The following CFAP61 variants were observed in gnomAD, a reference collection of about 807,000 sequenced individuals.
CFAP61 encodes cilia and flagella associated protein 61.
A neutral mutation model predicts 135.6 loss-of-function variants in CFAP61; 107 were observed. The ratio of observed to expected loss-of-function variants is 0.79; its 90% CI spans 0.67 to 0.93. CFAP61 has a LOEUF of 0.93. Ranked by LOEUF, CFAP61 falls within the 40% of genes least tolerant of loss-of-function variation. CFAP61 has a pLI of 0.00. For synonymous variants in CFAP61, 575 were observed against 578.5 expected (o/e 0.99, Z 0.09); for missense variants, 1,507 against 1,556.2 (o/e 0.97, Z 0.53).
chr20:20,181,276 TACACAC>T (rs74180984), intron 13 of CFAP61, among the ~76,000 whole-genome samples: 15 of 144,588 alleles, frequency 1.0e-4, no homozygotes, highest in African/African-American at 2.6e-4. Context: ...TGTGTATGTA[TACACAC>T]ACACACACAC....
At chr20:20,099,701 A>C (rs1288432660) in intron 8 of CFAP61, among the ~76,000 whole-genome samples, 1 of 152,168 alleles carries the variant, frequency 6.6e-6, no homozygotes, top group Non-Finnish European at 1.5e-5. Context: ...CCTTCCACCA[A>C]CTTGAATCTT....
chr20:20,358,418 T>C (rs1666940541), intron 26 of CFAP61, among the ~76,000 whole-genome samples: 1 of 152,216 alleles, frequency 6.6e-6, no homozygotes, highest in Non-Finnish European at 1.5e-5. Context: ...TTTAACCCAG[T>C]GTCAGAACAG....
At chr20:20,323,049 A>G in intron 25 of CFAP61, 1 of 985,430 alleles carries the variant, frequency 1.0e-6, no homozygotes, top group Non-Finnish European at 1.2e-6. Flanking sequence ...CTTTGTGATC[A>G]CTGTTCTTAG....
At chr20:20,284,235 C>T (rs985873823) in intron 22 of CFAP61, among the ~76,000 whole-genome samples, 2 of 151,542 alleles carry the variant, frequency 1.3e-5, no homozygotes, top group African/African-American at 4.8e-5. Context: ...TTTTAGTAGT[C>T]TATTTCAATT....
intron 9 of CFAP61, among the ~76,000 whole-genome samples, chr20:20,156,625 GA>G (rs940385626): frequency 6.6e-5 from 10 of 150,612 alleles, no homozygotes; most frequent in East Asian, 5.8e-4. Context: ...GACTACCTAT[GA>G]AAAAAAAATC....
chr20:20,240,517 C>A (rs769622083), intron 18 of CFAP61, among the ~76,000 whole-genome samples: 4 of 152,080 alleles, frequency 2.6e-5, no homozygotes, highest in Non-Finnish European at 4.4e-5. Flanking sequence ...CTCTTTGTCC[C>A]TGTAACCCTG....
intron 8 of CFAP61, among the ~76,000 whole-genome samples, chr20:20,101,118 A>G (rs1189989093): frequency 6.6e-6 from 1 of 152,240 alleles, no homozygotes; most frequent in Admixed American, 6.5e-5. Flanking sequence ...AAGAGTCATC[A>G]GCACATTTTG....
intron 18 of CFAP61, among the ~76,000 whole-genome samples, chr20:20,238,445 T>C (rs774200944): frequency 2.6e-5 from 4 of 152,254 alleles, no homozygotes; most frequent in Non-Finnish European, 5.9e-5. Flanking sequence ...TTGAAACATT[T>C]AGATCGATGT....
intron 8 of CFAP61, among the ~76,000 whole-genome samples, chr20:20,127,855 G>T (rs1229759324): frequency 6.6e-6 from 1 of 151,628 alleles, no homozygotes. Context: ...TCCTTGGGTG[G>T]GTCTTGCTGC....
At chr20:20,228,663 C>G (rs996741189) in intron 18 of CFAP61, 1 of 258,470 alleles carries the variant, frequency 3.9e-6, no homozygotes, top group African/African-American at 2.1e-5. Flanking sequence ...GCTACAATAG[C>G]AGATTAGATG....
intron 20 of CFAP61, among the ~76,000 whole-genome samples, chr20:20,257,982 G>T (rs1471529995): frequency 2.0e-5 from 3 of 152,166 alleles, no homozygotes; most frequent in Non-Finnish European, 4.4e-5. Context: ...ATAAAAGGGA[G>T]AAAACAAAGG....
intron 20 of CFAP61, among the ~76,000 whole-genome samples, chr20:20,259,301 T>G (rs1444097939): frequency 2.3e-5 from 3 of 132,250 alleles, no homozygotes; most frequent in Admixed American, 9.4e-5. Flanking sequence ...TCACCCAGGC[T>G]GGAGTGCAGT....
chr20:20,159,686 A>G (rs1026865343), intron 10 of CFAP61, among the ~76,000 whole-genome samples: 6 of 152,328 alleles, frequency 3.9e-5, no homozygotes, highest in Middle Eastern at 3.4e-3. Context: ...TGCATTTTCT[A>G]CATAAATTAT....
chr20:20,203,520 A>G (rs756312087), intron 17 of CFAP61, among the ~76,000 whole-genome samples: 4 of 152,162 alleles, frequency 2.6e-5, no homozygotes, highest in Non-Finnish European at 4.4e-5. Flanking sequence ...ATCGATGTTT[A>G]TAGGGTACAT....
intron 6 of CFAP61, among the ~76,000 whole-genome samples, chr20:20,088,469 C>T (rs6112754): frequency 0.13 from 19,061 of 152,030 alleles, 2,100 homozygotes; most frequent in East Asian, 0.63. Context: ...CAATGAGAGC[C>T]GAGTGAAAGG....
chr20:20,199,575 T>C (rs898818077), intron 16 of CFAP61, among the ~76,000 whole-genome samples, 193 bp from the exon 17 acceptor site: 5 of 152,168 alleles, frequency 3.3e-5, no homozygotes, highest in African/African-American at 1.2e-4. Flanking sequence ...CTCGTAATTA[T>C]CTTCATTAGT....
At position 20,191,421 on chromosome 20, in the gene CFAP61, T is replaced by C. The variant is rs757036014; in HGVS notation, c.1590+2T>C. On this transcript the variant is annotated splice_donor_variant, in intron 15 of 26. Transcript: ENST00000245957. LOFTEE classifies it high-confidence loss of function. The stretch of plus-strand genomic sequence containing the variant: ...ATTGCAGTGATCAGAAATGAAATGG[T>C]AAATTGTGAAGTGGATATAAATTTC... The C allele has an allele frequency of 6.2e-7, 1 of 1,604,786 alleles. No homozygotes were observed. Among genetic ancestry groups the C allele is most frequent in the South Asian group, 1.1e-5 (1 of 90,322 alleles).
At chr20:20,074,885 G>A (rs192855724) in intron 4 of CFAP61, among the ~76,000 whole-genome samples, 5 of 152,286 alleles carry the variant, frequency 3.3e-5, no homozygotes, top group South Asian at 2.1e-4. Flanking sequence ...ACACCAGACC[G>A]TCCAGATGCC....
intron 6 of CFAP61, among the ~76,000 whole-genome samples, chr20:20,084,221 TACAC>T (rs35299495): frequency 7.9e-5 from 12 of 152,056 alleles, no homozygotes; most frequent in South Asian, 2.1e-4. Context: ...TTTCTTAAAA[TACAC>T]ACACACACAG....
Sources: gnomAD v4.1 joint callset for allele counts (sites outside exome capture counted in the v4.1 genomes callset) on GRCh38, gnomAD v4.1.1 for gene constraint, MANE v1.5 for transcripts, NCBI Gene and HGNC (gene_info 2026-07-23, HGNC 2026-07-21) for gene names.